PARP11: variants seen among roughly 807,000 people sequenced by gnomAD.
The protein encoded by PARP11 is poly(ADP-ribose) polymerase family member 11, also known as protein mono-ADP-ribosyltransferase PARP11.
PARP11 carries 31 observed loss-of-function variants against 42.9 expected under a neutral mutation model. The ratio of observed to expected loss-of-function variants is 0.72; its 90% CI spans 0.54 to 0.98. PARP11 has a LOEUF of 0.98. PARP11 is among the 50% of genes least tolerant of loss of function. PARP11 has a pLI of 0.00. For synonymous variants in PARP11, 137 were observed against 127.3 expected (o/e 1.08, Z -0.51); for missense variants, 365 against 413.1 (o/e 0.88, Z 1.01).
At chr12:3,816,435 A>C (rs1947288535) in intron 6 of PARP11, among the ~76,000 whole-genome samples, 1 of 152,208 alleles carries the variant, frequency 6.6e-6, no homozygotes, top group Admixed American at 6.5e-5. Flanking sequence ...CTTTTTGTCT[A>C]CTAGTTTTTC....
intron 1 of PARP11, among the ~76,000 whole-genome samples, chr12:3,850,376 C>T (rs915361895): frequency 6.6e-6 from 1 of 152,080 alleles, no homozygotes; most frequent in African/African-American, 2.4e-5. Flanking sequence ...TGAGACTTTA[C>T]ATAAGGCCAC....
At position 3,809,313 on chromosome 12, in the gene PARP11, TATC is replaced by T. The variant is rs1947125823; in HGVS notation, c.*2807_*2809del. The T allele has an allele frequency of 6.6e-6, 1 of 152,082 alleles. No homozygotes were observed. Among genetic ancestry groups the T allele is most frequent in the Non-Finnish European group, 1.5e-5 (1 of 68,020 alleles). The allele number at this position is 152,082 out of a possible 1,614,324, so 9.4% of individuals were successfully genotyped here. ...ATTTTAACATCCATTAACTCTGTAC[TATC>T]ATATTTTAAAATATGTATCAAAATC... On this transcript the variant is annotated 3_prime_UTR_variant, in exon 8 of 8. Transcript: ENST00000228820.
intron 1 of PARP11, among the ~76,000 whole-genome samples, chr12:3,848,611 A>G (rs1251571249): frequency 6.6e-6 from 1 of 152,176 alleles, no homozygotes; most frequent in Non-Finnish European, 1.5e-5. Flanking sequence ...TAATTCGCAG[A>G]AGAATAAAAC....
chr12:3,819,062 T>C (rs965163175), intron 6 of PARP11, among the ~76,000 whole-genome samples: 2 of 152,224 alleles, frequency 1.3e-5, no homozygotes, highest in African/African-American at 4.8e-5. Context: ...CTGACCCATA[T>C]GTCAACTGCT....
At chr12:3,818,504 T>G (rs1266907638) in intron 6 of PARP11, among the ~76,000 whole-genome samples, 1 of 152,214 alleles carries the variant, frequency 6.6e-6, no homozygotes, top group Non-Finnish European at 1.5e-5. Context: ...ATTCTCCTTC[T>G]CCATAGGTCC....
At chr12:3,855,811 T>C (rs574980125) in intron 1 of PARP11, among the ~76,000 whole-genome samples, 10 of 152,216 alleles carry the variant, frequency 6.6e-5, no homozygotes, top group Non-Finnish European at 1.3e-4. Context: ...AGAGCCCACA[T>C]TGCCAAGACA....
In PARP11 at chr12:3,840,566, A is replaced by G. The variant is rs1486885045; in HGVS notation, c.19-10548T>C. 13 of 1,543,430 alleles carry G rather than the reference A, an allele frequency of 8.4e-6. No homozygotes were observed. Among genetic ancestry groups the G allele is most frequent in the Non-Finnish European group, 1.2e-5 (13 of 1,115,846 alleles). On this transcript the variant is annotated intron_variant, in intron 1 of 7. Coordinates refer to ENST00000228820, the MANE Select transcript of PARP11 (RefSeq NM_020367.6). The surrounding 1 kb of genome is among the most constrained non-coding windows in gnomAD (Gnocchi z 4.4). ...CCTTCACAGATCATAAGAAAACCTG[A>G]TCGTGAAAGAGTTGAGGATTCTGAT...
chr12:3,872,790 C>CA (rs1408982621), intron 1 of PARP11: 12 of 985,168 alleles, frequency 1.2e-5, no homozygotes, highest in African/African-American at 3.5e-5. Context: ...AAGCAAAACA[C>CA]AAAGTTTCAA....
rs1947859747 is a variant in PARP11 at position 3,840,387 on chromosome 12, G to A, written c.19-10369C>T. 6.2e-6 allele frequency: 10 copies of A among 1,613,742 alleles called. No homozygotes were observed. The highest frequency in any genetic ancestry group is 8.5e-6 in the Non-Finnish European group (10 of 1,179,794). On this transcript the variant is annotated intron_variant, in intron 1 of 7. Coordinates refer to ENST00000228820, the MANE Select transcript of PARP11 (RefSeq NM_020367.6). The surrounding 1 kb of genome is among the most constrained non-coding windows in gnomAD (Gnocchi z 4.4). ...TCCATTCTGATATGGATTACAGAGG[G>A]CCAAAGAATCCAAGCAAGCCAATAA...
At chr12:3,844,428 C>G (rs1947957835) in intron 1 of PARP11, among the ~76,000 whole-genome samples, 1 of 151,868 alleles carries the variant, frequency 6.6e-6, no homozygotes, top group Non-Finnish European at 1.5e-5. Flanking sequence ...TCAGCTTATG[C>G]TTTTTTTTGT....
chr12:3,828,876 TA>T, intron 3 of PARP11, 33 bp downstream of exon 3: 1 of 1,598,818 alleles, frequency 6.3e-7, no homozygotes, highest in Non-Finnish European at 8.6e-7. Flanking sequence ...ATCAATATAC[TA>T]AAAACACACA....
intron 1 of PARP11, among the ~76,000 whole-genome samples, chr12:3,853,263 G>A (rs926351518): frequency 6.6e-6 from 1 of 152,168 alleles, no homozygotes; most frequent in Non-Finnish European, 1.5e-5. Context: ...CATAATGACA[G>A]AATCCGATTC....
At chr12:3,859,796 T>C (rs917690375) in intron 1 of PARP11, among the ~76,000 whole-genome samples, 25 of 152,020 alleles carry the variant, frequency 1.6e-4, no homozygotes, top group African/African-American at 5.8e-4. Context: ...AAAGCTGGAG[T>C]GGCTATACTA....
At chr12:3,834,705 AGCTCC>A (rs1947721444) in intron 1 of PARP11, among the ~76,000 whole-genome samples, 1 of 151,820 alleles carries the variant, frequency 6.6e-6, no homozygotes, top group South Asian at 2.1e-4. Flanking sequence ...AAAGGCTAGG[AGCTCC>A]AATATAAGCA....
Position 3,810,752 on chromosome 12 carries a change from AAGAG to A in PARP11, c.*1367_*1370del, listed in dbSNP as rs748542647. On this transcript the variant is annotated 3_prime_UTR_variant, in exon 8 of 8. Transcript: ENST00000228820. ...AAAGAGAAAGAGGAAGAGAAAAAGGAAGAGAGAGAAAGAGGAAGAGGAGAGGAAG... is the reference window on the plus strand; with the variant it reads ...AAAGAGAAAGAGGAAGAGAAAAAGGAAGAGAAAGAGGAAGAGGAGAGGAAG... 5.9e-5 allele frequency: 9 copies of A among 151,986 alleles called. No homozygotes were observed. The highest frequency in any genetic ancestry group is 2.1e-4 in the South Asian group (1 of 4,764). 9.4% of individuals were successfully genotyped at this position (151,986 alleles called of 1,614,324 possible).
At chr12:3,857,257 C>T (rs181684283) in intron 1 of PARP11, among the ~76,000 whole-genome samples, 151 of 151,762 alleles carry the variant, frequency 9.9e-4, no homozygotes, top group African/African-American at 3.4e-3. Context: ...GCACATGTAC[C>T]CTGGAACTTA....
chr12:3,821,397 C>T (rs538838475), intron 6 of PARP11, among the ~76,000 whole-genome samples: 132 of 152,210 alleles, frequency 8.7e-4, no homozygotes, highest in African/African-American at 3.2e-3. Context: ...CCACTTAAAT[C>T]CAGTAAGGAA....
chr12:3,819,867 C>A (rs67009183), intron 6 of PARP11, among the ~76,000 whole-genome samples: 19,182 of 152,190 alleles, frequency 0.13, 1,273 homozygotes, highest in African/African-American at 0.16. Context: ...CTAGCCTCCT[C>A]TCTCACCATT....
At chr12:3,821,753 A>C in intron 6 of PARP11, 120 bp downstream of exon 6, 1 of 1,088,104 alleles carries the variant, frequency 9.2e-7, no homozygotes, top group Non-Finnish European at 1.3e-6. Context: ...ACCAGGTCAA[A>C]ATACGGCAAG....
Sources: gnomAD v4.1 joint callset for allele counts (sites outside exome capture counted in the v4.1 genomes callset) on GRCh38, gnomAD v4.1.1 for gene constraint, Gnocchi (gnomAD v3.1) non-coding constraint, MANE v1.5 for transcripts, NCBI Gene and HGNC (gene_info 2026-07-23, HGNC 2026-07-21) for gene names.